The following ZNF334 variants were observed in gnomAD, a reference collection of about 807,000 sequenced individuals.
ZNF334 encodes zinc finger protein 334.
A neutral mutation model predicts 12.4 loss-of-function variants in ZNF334; 14 were observed. The observed-to-expected ratio is 1.13, with a 90% CI of 0.74 to 1.76. The LOEUF is 1.76. ZNF334 is among the 40% of genes most tolerant of loss of function. The probability of loss-of-function intolerance (pLI) is 0.00; values close to 1 mark genes in which losing one functional copy is unlikely to be tolerated. For missense variants in ZNF334, 797 were observed against 804.5 expected, an observed-to-expected ratio of 0.99 and a Z score of 0.11; for synonymous variants, 273 against 269.6, an observed-to-expected ratio of 1.01 and a Z score of -0.12.
the ZNF334 span, among the ~76,000 whole-genome samples, chr20:46,482,585 C>A: frequency 6.6e-6 from 1 of 151,746 alleles, no homozygotes; most frequent in Admixed American, 6.6e-5. Context: ...TTTTAAAGAC[C>A]TTTTTAATCA....
rs370353218 is a variant in ZNF334 at position 46,512,175 on chromosome 20, C to T, written c.-38-35G>A. On this transcript the variant is annotated intron_variant, in intron 1 of 4. Coordinates refer to ENST00000692313, the MANE Select transcript of ZNF334 (RefSeq NM_001353824.2). ...GAAGAATGGCGAATGGAATCATGAG[C>T]GATTTGGCTCACACAGCAGCTCTAC... 2.7e-4 allele frequency: 424 copies of T among 1,547,492 alleles called. 5 individuals are homozygous for T. Among genetic ancestry groups the T allele is most frequent in the South Asian group, 9.7e-4 (87 of 89,418 alleles).
the ZNF334 span, among the ~76,000 whole-genome samples, chr20:46,471,051 T>C: frequency 9.2e-5 from 14 of 152,234 alleles, no homozygotes; most frequent in Non-Finnish European, 2.1e-4. Flanking sequence ...TTCTGGAAAT[T>C]GTAAAAATAC....
At chr20:46,487,129 C>G in the ZNF334 span, among the ~76,000 whole-genome samples, 1 of 152,110 alleles carries the variant, frequency 6.6e-6, no homozygotes, top group African/African-American at 2.4e-5. Context: ...ACATCCATAG[C>G]ATGTTTGACT....
chr20:46,495,269 T>C (rs550169591), downstream of ZNF334, among the ~76,000 whole-genome samples: 53 of 151,794 alleles, frequency 3.5e-4, no homozygotes, highest in Non-Finnish European at 6.2e-4. Context: ...TAAAGGTATG[T>C]TGAGGTTTTA....
At chr20:46,504,400 G>A (rs184882699) in intron 3 of ZNF334, 94 bp from the exon 4 acceptor site, 26 of 1,248,434 alleles carry the variant, frequency 2.1e-5, no homozygotes, top group Admixed American at 1.4e-4. Context: ...GCTGTGCAAT[G>A]AAGATGCCCA....
chr20:46,503,573 G>C (rs926491405), intron 4 of ZNF334, among the ~76,000 whole-genome samples: 1 of 152,156 alleles, frequency 6.6e-6, no homozygotes, highest in Non-Finnish European at 1.5e-5. Context: ...CACACAAGAA[G>C]GAAGAGGTAA....
chr20:46,472,417 G>A, the ZNF334 span, among the ~76,000 whole-genome samples: 1 of 152,234 alleles, frequency 6.6e-6, no homozygotes, highest in Non-Finnish European at 1.5e-5. Context: ...ACAGTAGGGA[G>A]AAGAAATATG....
rs1486224398 is a variant in ZNF334 at position 46,513,551 on chromosome 20, G to C, written c.-1050C>G. 6.6e-6 allele frequency: 1 copy of C among 152,294 alleles called. No individual in the cohort carries two copies. Among genetic ancestry groups the C allele is most frequent in the Non-Finnish European group, 1.5e-5 (1 of 68,116 alleles). The allele number at this position is 152,294 out of a possible 1,614,324, so 9.4% of individuals were successfully genotyped here. A position where few individuals can be genotyped will look rare whatever the true frequency, so the allele number is the denominator to read the frequency against. On this transcript the variant is annotated 5_prime_UTR_variant, in exon 1 of 5. Coordinates refer to ENST00000692313, the MANE Select transcript of ZNF334 (RefSeq NM_001353824.2). The stretch of plus-strand genomic sequence containing the variant: ...TCACGGGCTGCAGGACCCTCACCCG[G>C]AAGAGCCTGGCGAACCGGAAGGGCG...
chr20:46,502,717 G>A lies in ZNF334; in HGVS notation c.622C>T (p.Pro208Ser). 6.2e-7 allele frequency: 1 copy of A among 1,613,506 alleles called. No individual in the cohort carries two copies. The highest frequency in any genetic ancestry group is 8.5e-7 in the Non-Finnish European group (1 of 1,179,990). Residue 208 changes from proline to serine, a missense_variant, in exon 5 of 5, where the codon CCG (proline) becomes TCG (serine). Coordinates refer to ENST00000692313, the MANE Select transcript of ZNF334 (RefSeq NM_001353824.2). ...TTCCCACATTTATTATAGTCAAACG[G>A]TTGTTTCAAAATCTGAATGTTCTGG... ...LHQNIQILKQPFDYNKCGKTF... is the reference protein window; with the variant it reads ...LHQNIQILKQSFDYNKCGKTF...
Position 46,501,906 on chromosome 20 carries a change from A to G in ZNF334, c.1433T>C (p.Ile478Thr). ...KFFCHKSTLT[I>T]HQRTHTGEKH... ...CTCTCCTGTGTGTGTTCTCTGATGT[A>G]TAGTGAGTGTTGACTTATGGCAGAA... The change falls in exon 5 of 5, where the codon ATA (isoleucine) becomes ACA (threonine). Residue 478 changes from isoleucine to threonine, a missense_variant. Ile to Thr is a moderately conservative substitution (Grantham distance 89). Transcript: ENST00000692313. 2 of 1,614,022 alleles carry G rather than the reference A, an allele frequency of 1.2e-6. No homozygotes were observed. Among genetic ancestry groups the G allele is most frequent in the Non-Finnish European group, 1.7e-6 (2 of 1,179,994 alleles).
intron 2 of ZNF334, among the ~76,000 whole-genome samples, chr20:46,508,669 T>C (rs1488437153): frequency 6.6e-6 from 1 of 152,188 alleles, no homozygotes; most frequent in African/African-American, 2.4e-5. Context: ...GTCAGGGTTC[T>C]GTGGGATGCT....
chr20:46,509,091 T>G (rs1402780069), intron 2 of ZNF334, among the ~76,000 whole-genome samples: 1 of 152,216 alleles, frequency 6.6e-6, no homozygotes, highest in East Asian at 1.9e-4. Flanking sequence ...AACCTAAAAG[T>G]AATCTGTATA....
downstream of ZNF334, among the ~76,000 whole-genome samples, chr20:46,498,370 G>T (rs1345228868): frequency 2.0e-5 from 3 of 152,210 alleles, no homozygotes; most frequent in Non-Finnish European, 4.4e-5. Context: ...AATGCCGGCT[G>T]CCACGTTGTG....
intron 2 of ZNF334, among the ~76,000 whole-genome samples, chr20:46,510,841 A>AGCAGC (rs2061624086): frequency 6.6e-6 from 1 of 151,840 alleles, no homozygotes; most frequent in Admixed American, 6.6e-5. Context: ...GGGAAAAAAG[A>AGCAGC]AGCAGCAGCA....
downstream of ZNF334, among the ~76,000 whole-genome samples, chr20:46,496,352 T>G (rs2061024214): frequency 6.6e-6 from 1 of 152,208 alleles, no homozygotes. Flanking sequence ...AGGATCTGTT[T>G]CCTGGGGCCA....
chr20:46,482,640 CT>C, the ZNF334 span, among the ~76,000 whole-genome samples: 6,513 of 152,106 alleles, frequency 0.043, 190 homozygotes, highest in Non-Finnish European at 0.06. Context: ...CACAATAGAT[CT>C]TTTTTTATAT....
At chr20:46,469,370 C>CTTTT in the ZNF334 span, among the ~76,000 whole-genome samples, 1 of 138,744 alleles carries the variant, frequency 7.2e-6, no homozygotes, top group Admixed American at 7.2e-5. Flanking sequence ...CCCTATGCTC[C>CTTTT]TTTTTTTTTT....
At chr20:46,490,605 T>C in the ZNF334 span, among the ~76,000 whole-genome samples, 1 of 152,166 alleles carries the variant, frequency 6.6e-6, no homozygotes, top group African/African-American at 2.4e-5. Context: ...ATTTCAAGTT[T>C]AAAGAAATAG....
chr20:46,509,446 A>G (rs1481157979), intron 2 of ZNF334, among the ~76,000 whole-genome samples: 1 of 152,214 alleles, frequency 6.6e-6, no homozygotes, highest in African/African-American at 2.4e-5. Flanking sequence ...GCTGCCCACC[A>G]ACTCACTACA....
Sources: allele counts gnomAD v4.1 joint callset (sites outside exome capture counted in the v4.1 genomes callset), GRCh38; gene constraint gnomAD v4.1.1; transcripts MANE v1.5; gene names NCBI Gene and HGNC (gene_info 2026-07-23, HGNC 2026-07-21).